The following SMYD2 variants were observed in gnomAD, a reference collection of about 807,000 sequenced individuals.
SMYD2 encodes the protein SET and MYND domain containing 2, also known as N-lysine methyltransferase SMYD2.
SMYD2 carries 53 observed loss-of-function variants against 59.1 expected under a neutral mutation model. The observed-to-expected ratio is 0.90, with a 90% CI of 0.72 to 1.13. SMYD2 has a LOEUF of 1.13. SMYD2 is among the 50% of genes most tolerant of loss of function. SMYD2 has a pLI of 0.00. For missense variants in SMYD2, 494 were observed against 544.7 expected, an observed-to-expected ratio of 0.91 and a Z score of 0.93; for synonymous variants, 208 against 198.8, an observed-to-expected ratio of 1.05 and a Z score of -0.39.
intron 1 of SMYD2, among the ~76,000 whole-genome samples, chr1:214,281,951 A>G (rs1429573473): frequency 6.6e-6 from 1 of 152,186 alleles, no homozygotes; most frequent in Non-Finnish European, 1.5e-5. Context: ...ATGTTAAAGT[A>G]CGCTTACATG....
intron 5 of SMYD2, among the ~76,000 whole-genome samples, chr1:214,321,246 G>GTATA (rs34914083): frequency 2.6e-5 from 4 of 151,496 alleles, no homozygotes; most frequent in East Asian, 1.9e-4. Context: ...CTTAAAAAAT[G>GTATA]TATATATATA....
At chr1:214,325,625 GAGA>G (rs1358373743) in intron 6 of SMYD2, among the ~76,000 whole-genome samples, 1 of 152,166 alleles carries the variant, frequency 6.6e-6, no homozygotes, top group Non-Finnish European at 1.5e-5. Context: ...AGGTCAGAAA[GAGA>G]AGAATCCGTA....
chr1:214,314,991 C>T (rs755999517), intron 3 of SMYD2, 119 bp downstream of exon 3: 13 of 741,624 alleles, frequency 1.8e-5, no homozygotes, highest in African/African-American at 3.5e-5. Context: ...ACTACATTTC[C>T]TATCATATCC....
Position 214,327,634 on chromosome 1 carries a change from G to A in SMYD2, c.615G>A (p.Met205Ile). 5 of 1,614,130 alleles carry A rather than the reference G, an allele frequency of 3.1e-6. No homozygotes were observed. Among genetic ancestry groups the A allele is most frequent in the Non-Finnish European group, 4.2e-6 (5 of 1,179,968 alleles). ...TTCTGACTGACAGTGTTGCATTGAT[G>A]AATCATAGCTGTTGCCCCAATGTCA... Reference protein sequence around the residue: ...GSAIFPDVALMNHSCCPNVIV... With the variant: ...GSAIFPDVALINHSCCPNVIV... Residue 205 changes from methionine (M) to isoleucine (I), a missense_variant, in exon 7 of 12, where the codon ATG (methionine) becomes ATA (isoleucine). Transcript: ENST00000366957.
chr1:214,331,574 A>C (rs1038480802), intron 9 of SMYD2: 1 of 176,910 alleles, frequency 5.7e-6, no homozygotes, highest in African/African-American at 2.4e-5. Context: ...GTATTGTAGC[A>C]TTTTCTTGGG....
At chr1:214,322,537 C>G (rs1419845755) in intron 5 of SMYD2, among the ~76,000 whole-genome samples, 2 of 152,190 alleles carry the variant, frequency 1.3e-5, no homozygotes, top group Non-Finnish European at 2.9e-5. Flanking sequence ...ATTGTAAATA[C>G]TGCAAGTCAA....
At chr1:214,319,083 T>C (rs1398300763) in intron 5 of SMYD2, 100 bp downstream of exon 5, 4 of 1,443,058 alleles carry the variant, frequency 2.8e-6, no homozygotes, top group East Asian at 2.3e-5. Context: ...AATAGAATGA[T>C]GGCATCTTCC....
chr1:214,336,100 G>C lies in SMYD2; in HGVS notation c.1222-604G>C, dbSNP rs114402320. Among the ~76,000 whole-genome samples, 106 of 152,236 alleles carry C rather than the reference G, an allele frequency of 7.0e-4. 2 individuals are homozygous for C. Among genetic ancestry groups the C allele is most frequent in the African/African-American group, 2.5e-3 (105 of 41,552 alleles). On this transcript the variant is annotated intron_variant, in intron 11 of 11. Coordinates refer to ENST00000366957, the MANE Select transcript of SMYD2 (RefSeq NM_020197.3). ...GTCCTTAAAGCATGTTTTACTGAAA[G>C]ATCTAGAATCTTGGGGCAAGAGAAT...
rs1363610323 is a variant in SMYD2, at chr1:214,322,952, T to G, written c.535-1689T>G. ...TACAAAGCCCATCTGTTGGCCTGAA[T>G]TGTAACAGTGCAGTGTCCCCAAGTG... On this transcript the variant is annotated intron_variant, in intron 5 of 11. Coordinates refer to ENST00000366957, the MANE Select transcript of SMYD2 (RefSeq NM_020197.3). 2.0e-5 allele frequency among the ~76,000 whole-genome samples: 3 copies of G among 152,168 alleles called. No individual in the cohort carries two copies. The East Asian group carries it at 5.8e-4, about 29-fold the overall frequency.
chr1:214,293,707 G>T (rs1366005899), intron 1 of SMYD2, among the ~76,000 whole-genome samples: 1 of 151,910 alleles, frequency 6.6e-6, no homozygotes, highest in East Asian at 1.9e-4. Flanking sequence ...ATGGAGTTTT[G>T]CTCTTGTTGC....
Position 214,312,667 on chromosome 1 carries a change from T to G in SMYD2, c.238-2095T>G, listed in dbSNP as rs1013482063. On this transcript the variant is annotated intron_variant, in intron 2 of 11. Transcript: ENST00000366957. The surrounding 1 kb of genome is among the most constrained non-coding windows in gnomAD (Gnocchi z 4.1). ...TGCGAAGGGCCTTGAGGCAGGTACA[T>G]GGCTCCAGGCGCAGCCAGGACACTT... 6.6e-6 allele frequency among the ~76,000 whole-genome samples: 1 copy of G among 152,154 alleles called. No homozygotes were observed. Among genetic ancestry groups the G allele is most frequent in the Non-Finnish European group, 1.5e-5 (1 of 68,028 alleles).
chr1:214,328,199 G>A (rs573428753), intron 7 of SMYD2, among the ~76,000 whole-genome samples: 125 of 152,214 alleles, frequency 8.2e-4, no homozygotes, highest in African/African-American at 2.6e-3. Flanking sequence ...AGCAAGCAAC[G>A]CAGCAGTAGC....
At chr1:214,297,659 G>T (rs1022180758) in intron 1 of SMYD2, among the ~76,000 whole-genome samples, 1 of 152,124 alleles carries the variant, frequency 6.6e-6, no homozygotes, top group Admixed American at 6.6e-5. Flanking sequence ...TAAATCTCTC[G>T]CTAGCTCTGG....
chr1:214,329,455 T>C (rs1398853555), intron 7 of SMYD2, among the ~76,000 whole-genome samples: 1 of 152,222 alleles, frequency 6.6e-6, no homozygotes, highest in Admixed American at 6.5e-5. Context: ...ATCTAAATGC[T>C]GGTCTCCTCC....
intron 1 of SMYD2, among the ~76,000 whole-genome samples, chr1:214,301,458 A>G (rs1205648225): frequency 6.6e-6 from 1 of 152,192 alleles, no homozygotes; most frequent in African/African-American, 2.4e-5. Flanking sequence ...TTTGGAAAAT[A>G]TTAGTTACCT....
intron 5 of SMYD2, among the ~76,000 whole-genome samples, chr1:214,323,935 C>A (rs1198669131): frequency 6.6e-6 from 1 of 151,866 alleles, no homozygotes; most frequent in Non-Finnish European, 1.5e-5. Context: ...TGGATTGATT[C>A]CTTTTTTTTG....
Position 214,289,660 on chromosome 1 carries a change from A to G in SMYD2, c.173+8233A>G, listed in dbSNP as rs572274032. On this transcript the variant is annotated intron_variant, in intron 1 of 11. Transcript: ENST00000366957. ...ATACATGTGTATGTGTGTCCTGATG[A>G]TCACTAGGGAACTAGACACACCTAG... Among the ~76,000 whole-genome samples the G allele has an allele frequency of 8.9e-4, 136 of 152,280 alleles. 6 individuals are homozygous for G. In the South Asian group the frequency reaches 0.027, roughly 30 times the overall value.
chr1:214,288,221 T>C (rs981476655), intron 1 of SMYD2, among the ~76,000 whole-genome samples: 2 of 152,248 alleles, frequency 1.3e-5, no homozygotes, highest in African/African-American at 2.4e-5. Flanking sequence ...TATTGCTCTT[T>C]GCAGCCCATA....
At chr1:214,283,141 A>G (rs1455683307) in intron 1 of SMYD2, among the ~76,000 whole-genome samples, 1 of 152,200 alleles carries the variant, frequency 6.6e-6, no homozygotes, top group Non-Finnish European at 1.5e-5. Flanking sequence ...AAGAACTGAG[A>G]GATGCTTCTC....
Sources: gnomAD v4.1 joint callset for allele counts (sites outside exome capture counted in the v4.1 genomes callset) on GRCh38, gnomAD v4.1.1 for gene constraint, Gnocchi (gnomAD v3.1) non-coding constraint, MANE v1.5 for transcripts, NCBI Gene and HGNC (gene_info 2026-07-23, HGNC 2026-07-21) for gene names.